The following MUC12 variants were observed in gnomAD, a reference collection of about 807,000 sequenced individuals.
MUC12 encodes mucin 12, cell surface associated.
In MUC12, 172 loss-of-function variants were observed where a neutral mutation model predicts 230.8. The observed-to-expected ratio is 0.75, with a 90% CI of 0.66 to 0.85. The LOEUF (loss-of-function observed/expected upper bound fraction) is 0.85, where lower values mean the gene tolerates loss of function less well. Among genes scored for constraint, MUC12 ranks in the 40% least tolerant of loss-of-function variants. The pLI, the probability that MUC12 is intolerant of heterozygous loss-of-function variation, is 0.00. For synonymous variants in MUC12, 1,259 were observed against 2,401.9 expected (o/e 0.52, Z 13.91); for missense variants, 3,506 against 5,920.6 (o/e 0.59, Z 13.38).
intron 1 of MUC12, among the ~76,000 whole-genome samples, chr7:100,977,692 T>C (rs1335264173): frequency 6.6e-6 from 1 of 150,970 alleles, no homozygotes; most frequent in African/African-American, 2.4e-5. Flanking sequence ...AAAATGTTTA[T>C]CTCGTTATTT....
At chr7:101,017,735 G>C (rs1793956482) in intron 11 of MUC12, 72 bp downstream of exon 11, 13 of 1,114,400 alleles carry the variant, frequency 1.2e-5, no homozygotes, top group Non-Finnish European at 1.2e-5. Context: ...CTTCCCCCGG[G>C]ACTCCCTTCT....
rs1793396303 is a variant in MUC12, at chr7:100,993,657, C to T, written c.3094C>T (p.His1032Tyr). ...HRSPGSTPTT[H>Y]FPASSTTSGH... ...CAGCCCAGGCTCGACTCCAACAACA[C>T]ACTTCCCTGCCAGCTCCACAACTTC... The change falls in exon 2 of 12, where the codon CAC becomes TAC. Residue 1032 changes from histidine (H) to tyrosine (Y), a missense_variant. Physicochemically the swap from His to Tyr is moderately conservative, Grantham distance 83. Coordinates refer to ENST00000536621, the MANE Select transcript of MUC12 (RefSeq NM_001164462.2). 8.7e-7 allele frequency: 1 copy of T among 1,144,216 alleles called. No homozygotes were observed. The highest frequency in any genetic ancestry group is 2.1e-5 in the African/African-American group (1 of 46,798). The allele number at this position is 1,144,216 out of a possible 1,614,324, so 70.9% of individuals were successfully genotyped here.
At chr7:101,009,236 G>T in intron 5 of MUC12, 77 bp downstream of exon 5, 1 of 1,385,206 alleles carries the variant, frequency 7.2e-7, no homozygotes, top group Non-Finnish European at 9.9e-7. Flanking sequence ...CTCCTATCAT[G>T]AATGGCTAGA....
intron 9 of MUC12, 148 bp from the exon 10 acceptor site, chr7:101,015,467 C>G (rs527870119): frequency 7.6e-6 from 5 of 659,260 alleles, no homozygotes; most frequent in Non-Finnish European, 1.3e-5. Context: ...CATGGTGATG[C>G]TACTTTTTGT....
At chr7:100,971,191 A>AAC (rs1792881854) in intron 1 of MUC12, among the ~76,000 whole-genome samples, 1 of 150,764 alleles carries the variant, frequency 6.6e-6, no homozygotes, top group Non-Finnish European at 1.5e-5. Context: ...CAAAAAAAAA[A>AAC]CAAACCGTGG....
chr7:100,990,966 G>A lies in MUC12; in HGVS notation c.403G>A (p.Glu135Lys). The part of the protein sequence containing the change: ...PGSTTTAGLS[E>K]KSTTFYSSPR... ...CAGTACCACAACAGCAGGCCTGAGT[G>A]AGAAATCTACCACCTTCTACAGTAG... The change falls in exon 2 of 12, where the codon GAG becomes AAG. Residue 135 changes from glutamate (E) to lysine (K), a missense_variant. Coordinates refer to ENST00000536621, the MANE Select transcript of MUC12 (RefSeq NM_001164462.2). The A allele has an allele frequency of 6.5e-7, 1 of 1,537,878 alleles. No individual in the cohort carries two copies. Among genetic ancestry groups the A allele is most frequent in the South Asian group, 1.2e-5 (1 of 84,058 alleles).
At chr7:101,014,106 C>T in intron 9 of MUC12, 32 bp downstream of exon 9, 4 of 1,502,954 alleles carry the variant, frequency 2.7e-6, no homozygotes, top group Non-Finnish European at 3.5e-6. Context: ...CGCAGGCCCA[C>T]ACAGAGGGGA....
At chr7:101,011,840 A>C (rs1044719455) in intron 5 of MUC12, among the ~76,000 whole-genome samples, 2 of 152,226 alleles carry the variant, frequency 1.3e-5, no homozygotes, top group Non-Finnish European at 2.9e-5. Context: ...AAATAATGCT[A>C]CTAAAAACAC....
Position 101,004,880 on chromosome 7 carries a change from G to T in MUC12, c.14317G>T (p.Ala4773Ser), listed in dbSNP as rs1309520094. 3 of 1,537,590 alleles carry T rather than the reference G, an allele frequency of 2.0e-6. No individual in the cohort carries two copies. The highest frequency in any genetic ancestry group is 1.7e-4 in the Middle Eastern group (1 of 5,990). Reference protein sequence around the residue: ...SGEPTSLYSQAESTHTTAFPA... With the variant: ...SGEPTSLYSQSESTHTTAFPA... The stretch of plus-strand genomic sequence containing the variant: ...AGAACCCACCAGCTTGTATAGCCAA[G>T]CAGAGTCAACACACACAACAGCGTT... The change falls in exon 2 of 12, where the codon GCA becomes TCA. Residue 4773 changes from alanine (A) to serine (S), a missense_variant. Ala to Ser is a moderately conservative substitution (Grantham distance 99). Transcript: ENST00000536621.
rs374212586 is a variant in MUC12 at position 101,012,370 on chromosome 7, A to G, written c.15326A>G (p.Glu5109Gly). 2.0e-6 allele frequency: 3 copies of G among 1,537,556 alleles called. No homozygotes were observed. The African/African-American group carries it at 4.1e-5, about 21-fold the overall frequency. The change falls in exon 6 of 12, where the codon GAA becomes GGA. Residue 5109 changes from glutamate (E) to glycine (G), a missense_variant. Transcript: ENST00000536621. ...DYTLEYEELF[E>G]NLAEIVKAKI... Reference sequence around the variant, plus strand: ...ACTTTAGAGTATGAGGAACTGTTTGAAAACCTGGCAGAGATTGTAAAGGCC... The same window carrying G: ...ACTTTAGAGTATGAGGAACTGTTTGGAAACCTGGCAGAGATTGTAAAGGCC...
chr7:100,991,663 C>T lies in MUC12; in HGVS notation c.1100C>T (p.Ser367Leu), dbSNP rs775077970. The part of the protein sequence containing the change: ...ESTAYHRSPG[S>L]TQTMHFPESS... Reference sequence around the variant, plus strand: ...ACAGCCTACCACAGGAGCCCGGGCTCAACTCAAACAATGCACTTCCCTGAA... The same window carrying T: ...ACAGCCTACCACAGGAGCCCGGGCTTAACTCAAACAATGCACTTCCCTGAA... Residue 367 changes from serine (S) to leucine (L), a missense_variant, in exon 2 of 12, where the codon TCA (serine) becomes TTA (leucine). Transcript: ENST00000536621. 3 of 1,537,408 alleles carry T rather than the reference C, an allele frequency of 2.0e-6. No homozygotes were observed. The South Asian group carries it at 3.6e-5, about 18-fold the overall frequency.
chr7:100,984,532 C>T (rs1057029434), intron 1 of MUC12, among the ~76,000 whole-genome samples: 1 of 152,162 alleles, frequency 6.6e-6, no homozygotes, highest in Non-Finnish European at 1.5e-5. Context: ...GCTGGGATTA[C>T]AGTTGTGAGC....
In MUC12 at chr7:100,991,741, C is replaced by A. The variant is rs1793314305; in HGVS notation, c.1178C>A (p.Thr393Lys). Residue 393 changes from threonine to lysine, a missense_variant, in exon 2 of 12, where the codon ACA becomes AAA. Thr to Lys is a moderately conservative substitution (Grantham distance 78). Transcript: ENST00000536621. ...SEESATFHGSTTHTKSSTPST... is the reference protein window; with the variant it reads ...SEESATFHGSKTHTKSSTPST... ...GAATCAGCAACTTTCCACGGCAGCA[C>A]AACACACACAAAATCTTCAACTCCT... The A allele has an allele frequency of 2.0e-6, 3 of 1,538,006 alleles. No individual in the cohort carries two copies. Among genetic ancestry groups the A allele is most frequent in the Non-Finnish European group, 2.6e-6 (3 of 1,147,074 alleles).
Position 101,005,165 on chromosome 7 carries a change from A to G in MUC12, c.14602A>G (p.Ser4868Gly), listed in dbSNP as rs1584844061. The change falls in exon 2 of 12, where the codon AGC becomes GGC. Residue 4868 changes from serine (S) to glycine (G), a missense_variant. Ser to Gly is a moderately conservative substitution (Grantham distance 56). Coordinates refer to ENST00000536621, the MANE Select transcript of MUC12 (RefSeq NM_001164462.2). ...AACTGAAACCACAGCGTTTTCTCACAGCAACACAATGTCCATTCATAGTCA... is the reference window on the plus strand; with the variant it reads ...AACTGAAACCACAGCGTTTTCTCACGGCAACACAATGTCCATTCATAGTCA... ...GSTETTAFSH[S>G]NTMSIHSQQS... 3.9e-6 allele frequency: 6 copies of G among 1,537,940 alleles called. No homozygotes were observed. In the East Asian group the frequency reaches 1.5e-4, roughly 38 times the overall value.
At chr7:100,987,709 G>A (rs7457468) in intron 1 of MUC12, among the ~76,000 whole-genome samples, 95,332 of 151,896 alleles carry the variant, frequency 0.63, 30,228 homozygotes, top group Non-Finnish European at 0.67. Context: ...GCGGTGGCTC[G>A]CGCCTGTAAT....
chr7:100,972,676 T>C (rs141709408), intron 1 of MUC12, among the ~76,000 whole-genome samples: 80 of 152,226 alleles, frequency 5.3e-4, no homozygotes, highest in African/African-American at 1.9e-3. Flanking sequence ...CTAATTTTTT[T>C]GTGTGTTTTT....
In MUC12 at chr7:101,008,826, C is replaced by T. The variant is rs112142057; in HGVS notation, c.15186+65C>T. On this transcript the variant is annotated intron_variant, in intron 4 of 11. Transcript: ENST00000536621. ...CCACGTGAGAGGAAATTGGGGGGTG[C>T]ACCCCAACTTAGTGATCTGAGTTCT... is the stretch of plus-strand genomic sequence containing the variant. 4,799 of 1,492,944 alleles carry T rather than the reference C, an allele frequency of 3.2e-3. 129 individuals carry two copies. In the African/African-American group the frequency reaches 0.057, roughly 18 times the overall value. 92.5% of individuals were successfully genotyped at this position (1,492,944 alleles called of 1,614,324 possible). A position where few individuals can be genotyped will look rare whatever the true frequency, so the allele number is the denominator to read the frequency against.
At chr7:101,009,029 A>T in intron 4 of MUC12, 66 bp from the exon 5 acceptor site, 1 of 1,511,944 alleles carries the variant, frequency 6.6e-7, no homozygotes, top group Admixed American at 2.0e-5. Context: ...GGCTGCCTCA[A>T]GAAGGGTAAC....
Position 100,995,703 on chromosome 7 carries a change from A to G in MUC12, c.5140A>G (p.Thr1714Ala). ...TTTSAFVELS[T>A]TSHGSPSSTP... ...CACATCAGCCTTTGTTGAGCTATCT[A>G]CAACCTCCCACGGCAGCCCGAGCTC... is the stretch of plus-strand genomic sequence containing the variant. The change falls in exon 2 of 12, where the codon ACA (threonine) becomes GCA (alanine). Residue 1714 changes from threonine (T) to alanine (A), a missense_variant. By Grantham distance (58) the Thr-to-Ala change is moderately conservative (BLOSUM62 0). Coordinates refer to ENST00000536621, the MANE Select transcript of MUC12 (RefSeq NM_001164462.2). The G allele has an allele frequency of 6.5e-7, 1 of 1,537,066 alleles. No individual in the cohort carries two copies. The highest frequency in any genetic ancestry group is 8.7e-7 in the Non-Finnish European group (1 of 1,147,020).
Sources: gnomAD v4.1 joint callset for allele counts (sites outside exome capture counted in the v4.1 genomes callset) on GRCh38, gnomAD v4.1.1 for gene constraint, MANE v1.5 for transcripts, NCBI Gene and HGNC (gene_info 2026-07-23, HGNC 2026-07-21) for gene names.